Variants in SUPT3H observed in about 807,000 individuals in gnomAD.
SUPT3H encodes transcription initiation protein SPT3 homolog.
SUPT3H carries 44 observed loss-of-function variants against 44.3 expected under a neutral mutation model. That is an observed-to-expected ratio of 0.99 (90% confidence interval 0.78 to 1.28). SUPT3H has a LOEUF of 1.28. SUPT3H is among the 50% of genes most tolerant of loss of function. The pLI, the probability that SUPT3H is intolerant of heterozygous loss-of-function variation, is 0.00. For missense variants in SUPT3H, 380 were observed against 387.1 expected, an observed-to-expected ratio of 0.98 and a Z score of 0.15; for synonymous variants, 124 against 125.6, an observed-to-expected ratio of 0.99 and a Z score of 0.09.
At position 45,171,713 on chromosome 6, in the gene SUPT3H, C is replaced by CTTTTTTTTTTT. The variant is rs777154020; in HGVS notation, c.102-65718_102-65708dup. On this transcript the variant is annotated intron_variant, in intron 2 of 10. Transcript: ENST00000371459. ...AAGGCATTAACAAAAATTCCACTTG[C>CTTTTTTTTTTT]TTTTTTTTTTTTTTTTTTTTTTTTG... Among the ~76,000 whole-genome samples the CTTTTTTTTTTT allele has an allele frequency of 8.6e-5, 8 of 93,474 alleles. 1 individual carries two copies. Among genetic ancestry groups the CTTTTTTTTTTT allele is most frequent in the African/African-American group, 1.8e-4 (4 of 22,416 alleles). 61.3% of individuals were successfully genotyped at this position (93,474 alleles called of 152,430 possible).
intron 10 of SUPT3H, among the ~76,000 whole-genome samples, chr6:44,855,103 T>C (rs1773515095): frequency 6.6e-6 from 1 of 152,234 alleles, no homozygotes; most frequent in South Asian, 2.1e-4. Flanking sequence ...AACTCATGTT[T>C]TCTGATCTCA....
chr6:45,298,086 GA>G (rs1245739976), intron 2 of SUPT3H, among the ~76,000 whole-genome samples: 1 of 152,108 alleles, frequency 6.6e-6, no homozygotes, highest in Non-Finnish European at 1.5e-5. Context: ...TTCTCACAAT[GA>G]AGTTCATCTC....
intron 3 of SUPT3H, among the ~76,000 whole-genome samples, chr6:45,046,163 C>T (rs1440836613): frequency 6.6e-6 from 1 of 152,218 alleles, no homozygotes; most frequent in Admixed American, 6.5e-5. Context: ...CCAGTTGCTT[C>T]AGCACCATTT....
At chr6:45,175,314 T>A (rs2153608791) in intron 2 of SUPT3H, among the ~76,000 whole-genome samples, 1 of 152,282 alleles carries the variant, frequency 6.6e-6, no homozygotes, top group South Asian at 2.1e-4. Flanking sequence ...GATTCACAGT[T>A]CAGCATGGCT....
intron 3 of SUPT3H, among the ~76,000 whole-genome samples, chr6:45,086,742 C>T (rs564045147): frequency 6.6e-6 from 1 of 151,994 alleles, no homozygotes; most frequent in East Asian, 1.9e-4. Context: ...AAAAACTGTG[C>T]ATCACTGGTA....
intron 2 of SUPT3H, among the ~76,000 whole-genome samples, chr6:45,226,083 T>C (rs1479039358): frequency 6.6e-6 from 1 of 152,202 alleles, no homozygotes; most frequent in Non-Finnish European, 1.5e-5. Context: ...GCACTTACAA[T>C]GTGTCAAGTA....
chr6:44,823,910 C>T (rs1187234668), downstream of SUPT3H, among the ~76,000 whole-genome samples: 2 of 152,180 alleles, frequency 1.3e-5, no homozygotes, highest in East Asian at 1.9e-4. Flanking sequence ...TTGCAGTGAG[C>T]TGAGATCGAG....
At chr6:45,283,428 T>C (rs1390089107) in intron 2 of SUPT3H, among the ~76,000 whole-genome samples, 2 of 151,584 alleles carry the variant, frequency 1.3e-5, no homozygotes, top group African/African-American at 4.9e-5. Flanking sequence ...AAGGCAGGGG[T>C]TGCAATCCTA....
At chr6:45,304,610 GA>G (rs1659351082) in intron 2 of SUPT3H, among the ~76,000 whole-genome samples, 1 of 152,016 alleles carries the variant, frequency 6.6e-6, no homozygotes, top group East Asian at 1.9e-4. Context: ...TTCCTAAAAA[GA>G]AAGGTCAAAG....
intron 2 of SUPT3H, among the ~76,000 whole-genome samples, chr6:45,138,895 T>C (rs1477077918): frequency 6.6e-6 from 1 of 152,196 alleles, no homozygotes; most frequent in Non-Finnish European, 1.5e-5. Flanking sequence ...AAGTAAATGA[T>C]AATGACAATA....
chr6:45,358,499 C>T (rs1258525917), intron 2 of SUPT3H, among the ~76,000 whole-genome samples: 1 of 152,150 alleles, frequency 6.6e-6, no homozygotes, highest in Non-Finnish European at 1.5e-5. Flanking sequence ...ATATTTCCCC[C>T]TATACTTGAA....
intron 2 of SUPT3H, among the ~76,000 whole-genome samples, chr6:45,245,126 T>A (rs6901579): frequency 0.12 from 18,117 of 152,112 alleles, 1,269 homozygotes; most frequent in African/African-American, 0.19. Flanking sequence ...AGTTTTTCAT[T>A]GCAAATGTGT....
At chr6:45,259,040 T>C (rs1297004267) in intron 2 of SUPT3H, among the ~76,000 whole-genome samples, 3 of 152,144 alleles carry the variant, frequency 2.0e-5, no homozygotes, top group Admixed American at 6.5e-5. Context: ...ATTTTAACCA[T>C]AGTATTAGTT....
At chr6:45,033,612 T>C (rs1400641611) in intron 3 of SUPT3H, among the ~76,000 whole-genome samples, 1 of 152,186 alleles carries the variant, frequency 6.6e-6, no homozygotes, top group Non-Finnish European at 1.5e-5. Flanking sequence ...TTCAATGAGT[T>C]TATGCTAGAA....
At chr6:45,038,164 T>G (rs1787970333) in intron 3 of SUPT3H, among the ~76,000 whole-genome samples, 1 of 152,104 alleles carries the variant, frequency 6.6e-6, no homozygotes, top group African/African-American at 2.4e-5. Flanking sequence ...CCTAAAAATA[T>G]CCAGTTCATT....
chr6:44,882,220 A>G (rs1338875157), intron 10 of SUPT3H, among the ~76,000 whole-genome samples: 3 of 152,258 alleles, frequency 2.0e-5, no homozygotes, highest in Non-Finnish European at 4.4e-5. Flanking sequence ...CGGATCCCAC[A>G]TAAATACAAA....
At chr6:45,147,817 G>C (rs1414655995) in intron 2 of SUPT3H, among the ~76,000 whole-genome samples, 1 of 151,982 alleles carries the variant, frequency 6.6e-6, no homozygotes, top group Admixed American at 6.6e-5. Flanking sequence ...AGAGGAATTT[G>C]ATTATATTAT....
chr6:44,992,206 T>C (rs1176194541), intron 6 of SUPT3H, among the ~76,000 whole-genome samples: 1 of 152,212 alleles, frequency 6.6e-6, no homozygotes, highest in Non-Finnish European at 1.5e-5. Flanking sequence ...AAAGTATTTT[T>C]TAAAAGAGAA....
intron 3 of SUPT3H, among the ~76,000 whole-genome samples, chr6:45,049,734 C>A (rs182130116): frequency 9.2e-4 from 140 of 152,272 alleles, no homozygotes; most frequent in African/African-American, 2.9e-3. Flanking sequence ...AAAACCCCTT[C>A]ACTTTTTACT....
Sources: allele counts gnomAD v4.1 joint callset (sites outside exome capture counted in the v4.1 genomes callset), GRCh38; gene constraint gnomAD v4.1.1; transcripts MANE v1.5; gene names NCBI Gene and HGNC (gene_info 2026-07-23, HGNC 2026-07-21).